The following MUC13 variants were observed in gnomAD, a reference collection of about 807,000 sequenced individuals.
The protein encoded by MUC13 is mucin 13, cell surface associated.
MUC13 carries 32 observed loss-of-function variants against 48.3 expected under a neutral mutation model. The observed-to-expected ratio is 0.66, with a 90% confidence interval of 0.50 to 0.89. The LOEUF (loss-of-function observed/expected upper bound fraction) is 0.89. MUC13 is among the 40% of genes least tolerant of loss of function. The pLI is 0.00. For synonymous variants in MUC13, 199 were observed against 224.9 expected (o/e 0.88, Z 1.03); for missense variants, 571 against 622.8 (o/e 0.92, Z 0.88).
chr3:124,926,004 C>T (rs527565236), intron 2 of MUC13, among the ~76,000 whole-genome samples: 1 of 152,282 alleles, frequency 6.6e-6, no homozygotes, highest in South Asian at 2.1e-4. Flanking sequence ...AAATAAGCGT[C>T]ACCCCTCTGA....
chr3:124,934,612 A>T, intron 1 of MUC13, 49 bp downstream of exon 1: 1 of 1,359,088 alleles, frequency 7.4e-7, no homozygotes, highest in Non-Finnish European at 1.1e-6. Context: ...TTCTACCTCA[A>T]AGACAACATA....
chr3:124,918,487 T>C (rs1935542443), intron 5 of MUC13, among the ~76,000 whole-genome samples: 1 of 152,190 alleles, frequency 6.6e-6, no homozygotes, highest in South Asian at 2.1e-4. Context: ...GGTCCCATAT[T>C]CTAGAAAGGA....
intron 11 of MUC13, among the ~76,000 whole-genome samples, chr3:124,907,185 T>A (rs532553643): frequency 2.6e-5 from 4 of 152,344 alleles, no homozygotes; most frequent in East Asian, 3.9e-4. Context: ...TATTATTATT[T>A]TTTGTAAAAA....
Position 124,934,727 on chromosome 3 carries a change from C to A in MUC13, c.-15G>T. 1 of 1,602,290 alleles carries A rather than the reference C, an allele frequency of 6.2e-7. No individual in the cohort carries two copies. Among genetic ancestry groups the A allele is most frequent in the South Asian group, 1.1e-5 (1 of 90,628 alleles). On this transcript the variant is annotated 5_prime_UTR_variant, in exon 1 of 12. Coordinates refer to ENST00000616727, the MANE Select transcript of MUC13 (RefSeq NM_033049.4). ...ATGGCTTTCATTTTAGCTGTTCTTG[C>A]TTGGTAATCTGAGGAGGAAATGATT...
chr3:124,918,047 C>T (rs1258409077), intron 5 of MUC13, among the ~76,000 whole-genome samples: 2 of 152,120 alleles, frequency 1.3e-5, no homozygotes, highest in Non-Finnish European at 2.9e-5. Flanking sequence ...ACAGGAGGTC[C>T]GGACCCTTGT....
At chr3:124,915,517 A>G (rs565073022) in intron 6 of MUC13, among the ~76,000 whole-genome samples, 4 of 152,360 alleles carry the variant, frequency 2.6e-5, no homozygotes, top group Non-Finnish European at 4.4e-5. Flanking sequence ...GCAGAGATCA[A>G]TTAAGCCTGG....
intron 2 of MUC13, 152 bp downstream of exon 2, chr3:124,927,380 T>C: frequency 2.9e-6 from 2 of 696,098 alleles, no homozygotes; most frequent in Admixed American, 2.9e-5. Flanking sequence ...TGTCACTACA[T>C]TGTGACACAG....
At position 124,934,644 on chromosome 3, in the gene MUC13, G is replaced by A. The variant is rs1458910193; in HGVS notation, c.52+17C>T. On this transcript the variant is annotated intron_variant, in intron 1 of 11. Transcript: ENST00000616727. ...CATACATGATTGGAAGAATTAAAAT[G>A]TAAAAATATTCCTTACCTGTGTTTA... 1 of 1,573,638 alleles carries A rather than the reference G, an allele frequency of 6.4e-7. No individual in the cohort carries two copies. The highest frequency in any genetic ancestry group is 8.7e-7 in the Non-Finnish European group (1 of 1,143,774).
intron 11 of MUC13, among the ~76,000 whole-genome samples, chr3:124,907,876 C>T (rs956601265): frequency 2.6e-5 from 4 of 151,880 alleles, no homozygotes; most frequent in African/African-American, 9.7e-5. Context: ...TCTAAAGGGA[C>T]CTTAGGGGTA....
intron 1 of MUC13, among the ~76,000 whole-genome samples, chr3:124,933,401 AAAG>A (rs1260328182): frequency 2.0e-5 from 3 of 152,162 alleles, no homozygotes; most frequent in African/African-American, 7.2e-5. Flanking sequence ...CTGATCCACC[AAAG>A]AAGAACTATT....
intron 1 of MUC13, among the ~76,000 whole-genome samples, chr3:124,932,035 A>G (rs28757803): frequency 0.02 from 2,970 of 152,198 alleles, 107 homozygotes; most frequent in African/African-American, 0.068. Flanking sequence ...ACAAGAACAA[A>G]ACTCTGTCTC....
At chr3:124,909,661 C>A (rs1354349739) in intron 10 of MUC13, among the ~76,000 whole-genome samples, 1 of 151,854 alleles carries the variant, frequency 6.6e-6, no homozygotes, top group Non-Finnish European at 1.5e-5. Context: ...CACCACCATG[C>A]CCGGCTAACG....
chr3:124,929,558 T>C (rs1359531322), intron 1 of MUC13, among the ~76,000 whole-genome samples: 2 of 152,198 alleles, frequency 1.3e-5, no homozygotes, highest in South Asian at 2.1e-4. Flanking sequence ...TTGGCTAACA[T>C]AGCCATTCAG....
At chr3:124,919,778 A>G (rs1277037565) in intron 5 of MUC13, among the ~76,000 whole-genome samples, 7 of 152,102 alleles carry the variant, frequency 4.6e-5, no homozygotes, top group Admixed American at 3.9e-4. Context: ...CAGAAAGCTC[A>G]CCACTGACCC....
At chr3:124,919,933 T>C (rs141288411) in intron 5 of MUC13, among the ~76,000 whole-genome samples, 71 of 152,270 alleles carry the variant, frequency 4.7e-4, no homozygotes, top group Non-Finnish European at 8.4e-4. Flanking sequence ...TTTGCAGCCA[T>C]GGGATCAAGA....
At chr3:124,926,371 T>C (rs1010867417) in intron 2 of MUC13, among the ~76,000 whole-genome samples, 4 of 152,198 alleles carry the variant, frequency 2.6e-5, no homozygotes, top group Admixed American at 2.0e-4. Flanking sequence ...GGCCTGACTC[T>C]GAGGGAACAC....
intron 7 of MUC13, 125 bp from the exon 8 acceptor site, chr3:124,913,365 T>C (rs994271196): frequency 6.8e-7 from 1 of 1,460,202 alleles, no homozygotes; most frequent in Non-Finnish European, 9.3e-7. Flanking sequence ...GCTTATTGAC[T>C]CCACACATGA....
At chr3:124,913,304 G>A in intron 7 of MUC13, 64 bp from the exon 8 acceptor site, 1 of 1,574,742 alleles carries the variant, frequency 6.4e-7, no homozygotes, top group South Asian at 1.2e-5. Context: ...AAAGTCACAT[G>A]TGACAACATG....
At chr3:124,913,516 G>A in intron 7 of MUC13, 46 bp downstream of exon 7, 1 of 1,612,036 alleles carries the variant, frequency 6.2e-7, no homozygotes, top group South Asian at 1.1e-5. Context: ...CAAAAGAAGA[G>A]AAAGTGATGT....
Sources: gnomAD v4.1 joint callset for allele counts (sites outside exome capture counted in the v4.1 genomes callset) on GRCh38, gnomAD v4.1.1 for gene constraint, MANE v1.5 for transcripts, NCBI Gene and HGNC (gene_info 2026-07-23, HGNC 2026-07-21) for gene names.